The following C8orf34 variants were observed in gnomAD, a reference collection of about 807,000 sequenced individuals.
C8orf34 encodes the protein chromosome 8 open reading frame 34.
In C8orf34, 65 loss-of-function variants were observed where a neutral mutation model predicts 68.3. That is an observed-to-expected ratio of 0.95 (90% CI 0.78 to 1.17). C8orf34 has a LOEUF of 1.17. C8orf34 is among the 50% of genes most tolerant of loss of function. C8orf34 has a pLI of 0.00. For synonymous variants in C8orf34, 244 were observed against 241.2 expected, an observed-to-expected ratio of 1.01 and a Z score of -0.11; for missense variants, 664 against 655.4, an observed-to-expected ratio of 1.01 and a Z score of -0.14.
At chr8:68,669,864 TG>T (rs1446057660) in intron 8 of C8orf34, among the ~76,000 whole-genome samples, 1 of 152,212 alleles carries the variant, frequency 6.6e-6, no homozygotes, top group Non-Finnish European at 1.5e-5. Context: ...AGGCCCCCTT[TG>T]TCTAACTCTG....
At chr8:68,788,623 G>A (rs1823908042) in intron 12 of C8orf34, among the ~76,000 whole-genome samples, 1 of 152,180 alleles carries the variant, frequency 6.6e-6, no homozygotes, top group Non-Finnish European at 1.5e-5. Context: ...CATTTTGGGA[G>A]GCCAAGGTGG....
chr8:68,645,222 C>T (rs144137872), intron 8 of C8orf34, among the ~76,000 whole-genome samples: 3 of 152,026 alleles, frequency 2.0e-5, no homozygotes, highest in East Asian at 1.9e-4. Context: ...AGCTGTGAAA[C>T]GGAGTTCATA....
At chr8:68,635,600 A>G (rs1484108418) in intron 7 of C8orf34, among the ~76,000 whole-genome samples, 3 of 152,226 alleles carry the variant, frequency 2.0e-5, no homozygotes, top group Non-Finnish European at 2.9e-5. Flanking sequence ...ATGAGAAGGT[A>G]TGGGAAACTT....
chr8:68,542,009 G>C (rs907794065), intron 7 of C8orf34, among the ~76,000 whole-genome samples: 1 of 151,620 alleles, frequency 6.6e-6, no homozygotes, highest in African/African-American at 2.4e-5. Flanking sequence ...TTATTAGGTG[G>C]GTGCAAAAGA....
rs142993951 is a variant in C8orf34 at position 68,721,955 on chromosome 8, A to C, written c.1404+518A>C. 5.0e-4 allele frequency among the ~76,000 whole-genome samples: 76 copies of C among 152,170 alleles called. 1 individual carries two copies. The East Asian group carries it at 0.012, about 25-fold the overall frequency. On this transcript the variant is annotated intron_variant, in intron 10 of 13. Coordinates refer to ENST00000518698, the MANE Select transcript of C8orf34 (RefSeq NM_052958.4). ...AATTCTAAAGTTCATAAAATTTTTTAGTTTCTATAAAAATAGCTAATGCAA... is the reference window on the plus strand; with the variant it reads ...AATTCTAAAGTTCATAAAATTTTTTCGTTTCTATAAAAATAGCTAATGCAA...
intron 1 of C8orf34, among the ~76,000 whole-genome samples, chr8:68,390,494 CTATG>C (rs1447193197): frequency 6.6e-6 from 1 of 152,146 alleles, no homozygotes; most frequent in Non-Finnish European, 1.5e-5. Context: ...TCAGGACAGA[CTATG>C]TATGGTTTAT....
At chr8:68,467,349 C>CA (rs1158166498) in intron 3 of C8orf34, among the ~76,000 whole-genome samples, 2 of 151,968 alleles carry the variant, frequency 1.3e-5, no homozygotes, top group Non-Finnish European at 2.9e-5. Flanking sequence ...ACTATGTACC[C>CA]ATCACTAATG....
intron 6 of C8orf34, chr8:68,525,788 A>G: frequency 1.8e-6 from 1 of 564,416 alleles, no homozygotes; most frequent in Non-Finnish European, 3.4e-6. Flanking sequence ...ATGCTTCATC[A>G]CAGTGAGAAA....
intron 12 of C8orf34, among the ~76,000 whole-genome samples, chr8:68,812,810 T>C (rs1563683701): frequency 6.6e-6 from 1 of 152,172 alleles, no homozygotes; most frequent in Non-Finnish European, 1.5e-5. Context: ...GGGCCACACC[T>C]CAGTCTCTAT....
chr8:68,492,572 A>T (rs941448037), intron 5 of C8orf34, among the ~76,000 whole-genome samples: 2 of 152,108 alleles, frequency 1.3e-5, no homozygotes, highest in Admixed American at 1.3e-4. Context: ...GTTGTGGCTG[A>T]CATCTATCTC....
chr8:68,356,639 T>G (rs1009444932), intron 1 of C8orf34, among the ~76,000 whole-genome samples: 3 of 152,160 alleles, frequency 2.0e-5, no homozygotes, highest in Non-Finnish European at 4.4e-5. Flanking sequence ...AAATTAAGTA[T>G]GTGAATTGGA....
At chr8:68,629,977 G>T (rs866581734) in intron 7 of C8orf34, among the ~76,000 whole-genome samples, 2 of 151,994 alleles carry the variant, frequency 1.3e-5, no homozygotes, top group Non-Finnish European at 2.9e-5. Flanking sequence ...TAATATGATT[G>T]CATTTACCTC....
chr8:68,563,498 T>C (rs9693358), intron 7 of C8orf34, among the ~76,000 whole-genome samples: 5 of 152,096 alleles, frequency 3.3e-5, no homozygotes, highest in African/African-American at 1.2e-4. Flanking sequence ...ACACAACTTT[T>C]AAAGGGTTTT....
intron 1 of C8orf34, among the ~76,000 whole-genome samples, chr8:68,401,645 GAAATGGCCATTTGTTTT>G (rs1384034086): frequency 9.4e-5 from 2 of 21,182 alleles, no homozygotes; most frequent in African/African-American, 4.7e-4. Flanking sequence ...TTCATCTCTT[GAAATGGCCATTTGTTTT>G]TCTTCTTAAT....
chr8:68,407,944 C>T (rs536170797), intron 1 of C8orf34, among the ~76,000 whole-genome samples: 14 of 152,106 alleles, frequency 9.2e-5, no homozygotes, highest in Non-Finnish European at 1.9e-4. Context: ...ACATTCATTC[C>T]CATCCCACTG....
At chr8:68,748,872 C>A (rs1822601209) in intron 10 of C8orf34, among the ~76,000 whole-genome samples, 1 of 152,186 alleles carries the variant, frequency 6.6e-6, no homozygotes, top group African/African-American at 2.4e-5. Context: ...TTTGACCCAG[C>A]CATCCCATTA....
intron 8 of C8orf34, among the ~76,000 whole-genome samples, chr8:68,691,290 C>T (rs1358720148): frequency 6.6e-6 from 1 of 151,996 alleles, no homozygotes; most frequent in East Asian, 1.9e-4. Flanking sequence ...GTCTCTGTGT[C>T]AGCATTTTTT....
intron 11 of C8orf34, 35 bp downstream of exon 11, chr8:68,776,484 A>G (rs1441395017): frequency 6.4e-7 from 1 of 1,557,252 alleles, no homozygotes; most frequent in Non-Finnish European, 8.9e-7. Flanking sequence ...TGTAGTCTGA[A>G]ATCAGTTTAT....
At chr8:68,678,394 G>C (rs563762331) in intron 8 of C8orf34, among the ~76,000 whole-genome samples, 1 of 152,228 alleles carries the variant, frequency 6.6e-6, no homozygotes, top group South Asian at 2.1e-4. Flanking sequence ...ATCACAATCA[G>C]ATGGGAATTA....
Sources: allele counts gnomAD v4.1 joint callset (sites outside exome capture counted in the v4.1 genomes callset), GRCh38; gene constraint gnomAD v4.1.1; transcripts MANE v1.5; gene names NCBI Gene and HGNC (gene_info 2026-07-23, HGNC 2026-07-21).